The following NLRP2 variants were observed in gnomAD, a reference collection of about 807,000 sequenced individuals.
NLRP2 encodes the protein NLR family pyrin domain containing 2.
NLRP2 carries 107 observed loss-of-function variants against 97.2 expected under a neutral mutation model. That is an observed-to-expected ratio of 1.10 (90% CI 0.94 to 1.29). The LOEUF is 1.29. Ranked by LOEUF, NLRP2 falls within the 50% of genes most tolerant of loss-of-function variation. The pLI, the probability that NLRP2 is intolerant of heterozygous loss-of-function variation, is 0.00. For synonymous variants in NLRP2, 663 were observed against 551.5 expected (o/e 1.20, Z -2.83); for missense variants, 1,495 against 1,330.3 (o/e 1.12, Z -1.93).
At chr19:54,992,702 G>A (rs2072568580) in intron 10 of NLRP2, among the ~76,000 whole-genome samples, 2 of 151,524 alleles carry the variant, frequency 1.3e-5, no homozygotes, top group Non-Finnish European at 2.9e-5. Context: ...AGGGATTAAG[G>A]TGCATGCCAC....
intron 1 of NLRP2, among the ~76,000 whole-genome samples, chr19:54,967,006 C>G (rs1262005758): frequency 2.6e-5 from 4 of 151,660 alleles, no homozygotes; most frequent in Admixed American, 6.6e-5. Context: ...CACATCTGTT[C>G]TGGCTAATAA....
chr19:54,997,109 T>C (rs1357383460), intron 11 of NLRP2, among the ~76,000 whole-genome samples: 2 of 152,106 alleles, frequency 1.3e-5, no homozygotes, highest in East Asian at 1.9e-4. Flanking sequence ...GGTTTTACCA[T>C]GTTAGGTTGG....
rs917165844 is a variant in NLRP2, at chr19:54,997,495, C to G, written c.3050+8C>G. 2.5e-6 allele frequency: 4 copies of G among 1,613,902 alleles called. No homozygotes were observed. Among genetic ancestry groups the G allele is most frequent in the Non-Finnish European group, 3.4e-6 (4 of 1,179,910 alleles). ...CACCCTCCGGACACTCAGGTATGAT[C>G]CATTTACTTCCCCATCAGGCTTTCT... On this transcript the variant is annotated splice_region_variant and intron_variant, in intron 12 of 12. Coordinates refer to ENST00000448584, the MANE Select transcript of NLRP2 (RefSeq NM_017852.5).
chr19:54,997,184 C>G, intron 11 of NLRP2, 133 bp from the exon 12 acceptor site: 4 of 892,652 alleles, frequency 4.5e-6, no homozygotes, highest in Non-Finnish European at 7.4e-6. Flanking sequence ...GGATTACAGG[C>G]GTGAACCACC....
intron 12 of NLRP2, among the ~76,000 whole-genome samples, chr19:54,998,253 C>T (rs56839041): frequency 0.14 from 21,822 of 151,220 alleles, 2,219 homozygotes; most frequent in Non-Finnish European, 0.21. Flanking sequence ...TCCTGACCTC[C>T]GTGATTTGCC....
chr19:54,970,102 G>C lies in NLRP2; in HGVS notation c.87G>C (p.Leu29=), dbSNP rs895383437. The C allele has an allele frequency of 6.2e-7, 1 of 1,614,088 alleles. No homozygotes were observed. Among genetic ancestry groups the C allele is most frequent in the Non-Finnish European group, 8.5e-7 (1 of 1,180,024 alleles). The change falls in exon 2 of 13, where the codon CTG becomes CTC. Residue 29 remains leucine (L), a synonymous_variant. Transcript: ENST00000448584. ...ATGAGTTGAGCAAGTTCAAGTATCT[G>C]ATCACGACCTTCTCCCTGGCACACG... is the stretch of plus-strand genomic sequence containing the variant. ...SQDELSKFKY[L]ITTFSLAHEL...
In NLRP2 at chr19:54,984,333, T is replaced by TG. The variant is rs1441478639; in HGVS notation, c.2030+605_2030+606insG. ...TAAGTGGGGGTTTTTTTTTGTGTTT[T>TG]TTTTTTTTTTTTTTTTTTTGGAAAG... On this transcript the variant is annotated intron_variant, in intron 6 of 12. Coordinates refer to ENST00000448584, the MANE Select transcript of NLRP2 (RefSeq NM_017852.5). Among the ~76,000 whole-genome samples the TG allele has an allele frequency of 2.0e-5, 2 of 101,680 alleles. 1 individual carries two copies. The highest frequency in any genetic ancestry group is 3.4e-5 in the Non-Finnish European group (2 of 58,432). The allele number at this position is 101,680 out of a possible 152,430, so 66.7% of individuals were successfully genotyped here. A position where few individuals can be genotyped will look rare whatever the true frequency, so the allele number is the denominator to read the frequency against.
chr19:54,981,372 G>C (rs942337574), intron 4 of NLRP2, among the ~76,000 whole-genome samples: 6 of 151,724 alleles, frequency 4.0e-5, no homozygotes, highest in African/African-American at 1.5e-4. Flanking sequence ...TTTCTGTGTT[G>C]GCCAGGCTGG....
chr19:54,998,611 C>CTTTTTTTTTTTTCCTTT (rs2072981241), intron 12 of NLRP2, among the ~76,000 whole-genome samples: 1 of 42,218 alleles, frequency 2.4e-5, no homozygotes, highest in South Asian at 8.5e-4. Context: ...CATCTTTTTT[C>CTTTTTTTTTTTTCCTTT]TTTTTTTTTT....
In NLRP2 at chr19:54,986,225, A is replaced by G. The variant is rs543253453; in HGVS notation, c.2276A>G (p.Tyr759Cys). 7 of 1,613,174 alleles carry G rather than the reference A, an allele frequency of 4.3e-6. No individual in the cohort carries two copies. The highest frequency in any genetic ancestry group is 1.1e-5 in the South Asian group (1 of 91,066). The change falls in exon 8 of 13, where the codon TAT becomes TGT. Residue 759 changes from tyrosine to cysteine, a missense_variant. Coordinates refer to ENST00000448584, the MANE Select transcript of NLRP2 (RefSeq NM_017852.5). Reference sequence around the variant, plus strand: ...CTTCGAGGTCACAAGACTGTAACGTATCTGACCCTTCAAGGCAATGACCAG... The same window carrying G: ...CTTCGAGGTCACAAGACTGTAACGTGTCTGACCCTTCAAGGCAATGACCAG... ...LALRGHKTVT[Y>C]LTLQGNDQDD...
chr19:54,997,950 A>G (rs376071620), intron 12 of NLRP2, among the ~76,000 whole-genome samples: 19 of 150,840 alleles, frequency 1.3e-4, no homozygotes, highest in African/African-American at 4.6e-4. Context: ...TGCTCATGAT[A>G]GCCATTTGTC....
intron 7 of NLRP2, 50 bp downstream of exon 7, chr19:54,985,267 T>C (rs1395830465): frequency 1.3e-6 from 2 of 1,550,326 alleles, no homozygotes; most frequent in Admixed American, 1.7e-5. Flanking sequence ...ATGAAAATGG[T>C]ACAATGTTAA....
intron 4 of NLRP2, among the ~76,000 whole-genome samples, chr19:54,979,375 C>A (rs1454802765): frequency 6.6e-6 from 1 of 152,020 alleles, no homozygotes; most frequent in Non-Finnish European, 1.5e-5. Context: ...AGAGTTTTGC[C>A]CTTGTCGCCC....
At chr19:54,977,177 G>C (rs1449996778) in intron 3 of NLRP2, among the ~76,000 whole-genome samples, 1 of 152,010 alleles carries the variant, frequency 6.6e-6, no homozygotes, top group Non-Finnish European at 1.5e-5. Flanking sequence ...TCAGAAACTA[G>C]GGGGTTAGGC....
intron 1 of NLRP2, among the ~76,000 whole-genome samples, chr19:54,968,701 C>T (rs989054698): frequency 2.6e-5 from 3 of 114,346 alleles, no homozygotes; most frequent in Admixed American, 8.9e-5. Context: ...ATCTTTAAGC[C>T]TTTTTTTTTT....
chr19:54,974,972 T>G (rs2071103304), intron 3 of NLRP2, among the ~76,000 whole-genome samples: 1 of 152,054 alleles, frequency 6.6e-6, no homozygotes, highest in East Asian at 1.9e-4. Flanking sequence ...GCTAATTTTT[T>G]GTGGTGTTTG....
intron 1 of NLRP2, among the ~76,000 whole-genome samples, chr19:54,967,572 A>G (rs2070540504): frequency 1.3e-5 from 2 of 152,116 alleles, no homozygotes; most frequent in South Asian, 4.1e-4. Context: ...AGGTTGGCTC[A>G]TAAGAGGATA....
At chr19:54,971,211 C>T (rs2070832669) in intron 2 of NLRP2, among the ~76,000 whole-genome samples, 1 of 151,078 alleles carries the variant, frequency 6.6e-6, no homozygotes, top group African/African-American at 2.4e-5. Flanking sequence ...TTTCTTAATC[C>T]AGTCTATCAT....
At chr19:54,969,494 A>AT (rs2070706397) in intron 1 of NLRP2, among the ~76,000 whole-genome samples, 1 of 151,602 alleles carries the variant, frequency 6.6e-6, no homozygotes, top group Non-Finnish European at 1.5e-5. Flanking sequence ...AAAAAAAAAA[A>AT]AAATACAAAA....
Sources: allele counts gnomAD v4.1 joint callset (sites outside exome capture counted in the v4.1 genomes callset), GRCh38; gene constraint gnomAD v4.1.1; transcripts MANE v1.5; gene names NCBI Gene and HGNC (gene_info 2026-07-23, HGNC 2026-07-21).